GABPB2: variants seen among roughly 807,000 people sequenced by gnomAD.
GABPB2 encodes GA-binding protein subunit beta-2.
In GABPB2, 23 loss-of-function variants were observed where a neutral mutation model predicts 39.1. That is an observed-to-expected ratio of 0.59 (90% CI 0.42 to 0.83). GABPB2 has a LOEUF of 0.83. Ranked by LOEUF, GABPB2 falls within the 40% of genes least tolerant of loss-of-function variation. The pLI is 0.00. For synonymous variants in GABPB2, 184 were observed against 199.3 expected (o/e 0.92, Z 0.65); for missense variants, 467 against 541.1 (o/e 0.86, Z 1.36).
intron 6 of GABPB2, among the ~76,000 whole-genome samples, chr1:151,105,800 C>G (rs1679918053): frequency 6.6e-6 from 1 of 152,188 alleles, no homozygotes; most frequent in Admixed American, 6.5e-5. Flanking sequence ...CCACCATACC[C>G]AGCCAGCTAT....
intron 6 of GABPB2, among the ~76,000 whole-genome samples, chr1:151,106,015 G>A (rs1396985100): frequency 6.6e-6 from 1 of 150,954 alleles, no homozygotes. Context: ...AGGCTGGAGT[G>A]CAATGGCGTG....
rs1023249001 is a variant in GABPB2, at chr1:151,124,862, C to A, written c.*6606C>A. ...AAATTTTTGTCTTATTTTTTAGCCT[C>A]TTTAGTATTAGGGGGTGAGGTGACA... On this transcript the variant is annotated 3_prime_UTR_variant, in exon 9 of 9. Transcript: ENST00000368918. 1 of 151,958 alleles carries A rather than the reference C, an allele frequency of 6.6e-6. No homozygotes were observed. Among genetic ancestry groups the A allele is most frequent in the African/African-American group, 2.4e-5 (1 of 41,366 alleles). The allele number at this position is 151,958 out of a possible 1,614,324, so 9.4% of individuals were successfully genotyped here. A position where few individuals can be genotyped will look rare whatever the true frequency, so the allele number is the denominator to read the frequency against.
At chr1:151,085,782 C>T (rs1006424552) in intron 1 of GABPB2, among the ~76,000 whole-genome samples, 4 of 152,182 alleles carry the variant, frequency 2.6e-5, no homozygotes, top group South Asian at 2.1e-4. Flanking sequence ...GTAACTTAAT[C>T]GTGTAGTGCT....
intron 5 of GABPB2, among the ~76,000 whole-genome samples, chr1:151,102,473 TTCTC>T (rs1373230011): frequency 6.6e-6 from 1 of 152,168 alleles, no homozygotes; most frequent in Non-Finnish European, 1.5e-5. Context: ...GATGGAGTCT[TTCTC>T]TGTCACCCAA....
chr1:151,117,745 G>T (rs2101578410), intron 8 of GABPB2, among the ~76,000 whole-genome samples: 1 of 152,206 alleles, frequency 6.6e-6, no homozygotes, highest in South Asian at 2.1e-4. Flanking sequence ...CACCATGCCT[G>T]GCTAATTTTT....
In GABPB2 at chr1:151,117,945, T is replaced by A. The variant is rs759458922; in HGVS notation, c.1048-12T>A. On this transcript the variant is annotated splice_polypyrimidine_tract_variant and intron_variant, in intron 8 of 8. Coordinates refer to ENST00000368918, the MANE Select transcript of GABPB2 (RefSeq NM_144618.3). The stretch of plus-strand genomic sequence containing the variant: ...GGAATTTACCTGGTGGTGACATGGC[T>A]TACTTTTACAGGAAGGCAATGAAAG... The A allele has an allele frequency of 6.2e-7, 1 of 1,604,270 alleles. No individual in the cohort carries two copies. The highest frequency in any genetic ancestry group is 1.3e-5 in the African/African-American group (1 of 74,562).
intron 6 of GABPB2, among the ~76,000 whole-genome samples, 195 bp from the exon 7 acceptor site, chr1:151,106,842 T>C (rs1233127965): frequency 1.3e-5 from 2 of 152,214 alleles, no homozygotes; most frequent in Non-Finnish European, 2.9e-5. Context: ...TACAAAATAC[T>C]GTTCTAATGC....
chr1:151,125,534 C>CT lies in GABPB2; in HGVS notation c.*7278_*7279insT, dbSNP rs1681342394. ...ATAAAAATGTTTCTCAATAAAATGT[C>CT]AAAGCCGACCATTTCAGGGTGTCAT... On this transcript the variant is annotated 3_prime_UTR_variant, in exon 9 of 9. Transcript: ENST00000368918. 6.6e-6 allele frequency: 1 copy of CT among 151,336 alleles called. No individual in the cohort carries two copies. Among genetic ancestry groups the CT allele is most frequent in the Non-Finnish European group, 1.5e-5 (1 of 67,904 alleles). The allele number at this position is 151,336 out of a possible 1,614,324, so 9.4% of individuals were successfully genotyped here. A position where few individuals can be genotyped will look rare whatever the true frequency, so the allele number is the denominator to read the frequency against.
intron 1 of GABPB2, chr1:151,072,910 T>A (rs1251142128): frequency 1.3e-5 from 2 of 152,244 alleles, no homozygotes; most frequent in Non-Finnish European, 2.9e-5. Context: ...TAGGTTCTTT[T>A]CAATCTTTTT....
At chr1:151,084,074 A>ATT (rs1046750923) in intron 1 of GABPB2, among the ~76,000 whole-genome samples, 3 of 148,334 alleles carry the variant, frequency 2.0e-5, no homozygotes, top group Non-Finnish European at 4.5e-5. Flanking sequence ...AAATATATAT[A>ATT]TTTTTTTAAT....
At chr1:151,074,495 A>G (rs1472152785) in intron 1 of GABPB2, among the ~76,000 whole-genome samples, 1 of 103,904 alleles carries the variant, frequency 9.6e-6, no homozygotes, top group Non-Finnish European at 2.0e-5. Context: ...TTTTTTTTGT[A>G]TTTTTAGTAG....
intron 1 of GABPB2, among the ~76,000 whole-genome samples, chr1:151,076,203 G>T (rs970805689): frequency 2.0e-5 from 3 of 152,158 alleles, no homozygotes; most frequent in Non-Finnish European, 4.4e-5. Context: ...AATTAAATAA[G>T]AAGGTTTTCC....
intron 7 of GABPB2, among the ~76,000 whole-genome samples, chr1:151,109,226 C>T (rs1042106520): frequency 6.7e-6 from 1 of 150,268 alleles, no homozygotes; most frequent in Non-Finnish European, 1.5e-5. Flanking sequence ...GAGGTTGAAA[C>T]GAAGGGTACT....
At chr1:151,072,434 G>T (rs587766227) in intron 1 of GABPB2, among the ~76,000 whole-genome samples, 1 of 152,298 alleles carries the variant, frequency 6.6e-6, no homozygotes, top group African/African-American at 2.4e-5. Flanking sequence ...GTGCCCACTG[G>T]TGGTCCCAGC....
Position 151,103,644 on chromosome 1 carries a change from A to G in GABPB2, c.705A>G (p.Ser235=), listed in dbSNP as rs1679713168. 1 of 1,613,912 alleles carries G rather than the reference A, an allele frequency of 6.2e-7. No individual in the cohort carries two copies. The highest frequency in any genetic ancestry group is 2.2e-5 in the East Asian group (1 of 44,892). ...LATLAALAEA[S]VPLSNSHRAT... The stretch of plus-strand genomic sequence containing the variant: ...CCCTTGCAGCTCTTGCTGAGGCATC[A>G]GTCCCCCTCTCCAACTCACACAGAG... The change falls in exon 6 of 9, where the codon TCA becomes TCG. Residue 235 remains serine, a synonymous_variant. Coordinates refer to ENST00000368918, the MANE Select transcript of GABPB2 (RefSeq NM_144618.3).
Position 151,093,387 on chromosome 1 carries a change from G to C in GABPB2, c.471+1G>C, listed in dbSNP as rs1464875193. The C allele has an allele frequency of 1.3e-6, 2 of 1,579,162 alleles. No individual in the cohort carries two copies. Among genetic ancestry groups the C allele is most frequent in the Admixed American group, 1.9e-5 (1 of 53,676 alleles). On this transcript the variant is annotated splice_donor_variant, in intron 4 of 8. Transcript: ENST00000368918. LOFTEE classifies it high-confidence loss of function. Reference sequence around the variant, plus strand: ...TGCTGAGATTTTGGTCATCCTCCAGGTGTGGTTCTTTTTATACTCTCCAGA... The same window carrying C: ...TGCTGAGATTTTGGTCATCCTCCAGCTGTGGTTCTTTTTATACTCTCCAGA...
At chr1:151,105,928 A>G (rs758874552) in intron 6 of GABPB2, among the ~76,000 whole-genome samples, 11 of 151,870 alleles carry the variant, frequency 7.2e-5, no homozygotes, top group Non-Finnish European at 1.3e-4. Context: ...CTGTTTTCTT[A>G]TAGAAATGAT....
rs373214386 is a variant in GABPB2 at position 151,123,368 on chromosome 1, T to C, written c.*5112T>C. ...TACTCTGGAGGCTGAAACAGGAGAA[T>C]TGCTTGAACCCAAAAGGTGGAGTTT... On this transcript the variant is annotated 3_prime_UTR_variant, in exon 9 of 9. Coordinates refer to ENST00000368918, the MANE Select transcript of GABPB2 (RefSeq NM_144618.3). 2 of 151,936 alleles carry C rather than the reference T, an allele frequency of 1.3e-5. No individual in the cohort carries two copies. The highest frequency in any genetic ancestry group is 3.4e-3 in the Middle Eastern group (1 of 294). 9.4% of individuals were successfully genotyped at this position (151,936 alleles called of 1,614,324 possible).
rs2101587961 is a variant in GABPB2, at chr1:151,123,801, G to A, written c.*5545G>A. The stretch of plus-strand genomic sequence containing the variant: ...CAGGAGGCAGAGCTTGCAGTGAGCT[G>A]AGATCGCCCCACTGCAACAGATCGC... On this transcript the variant is annotated 3_prime_UTR_variant, in exon 9 of 9. Coordinates refer to ENST00000368918, the MANE Select transcript of GABPB2 (RefSeq NM_144618.3). The A allele has an allele frequency of 6.6e-6, 1 of 151,482 alleles. No individual in the cohort carries two copies. The highest frequency in any genetic ancestry group is 3.4e-3 in the Middle Eastern group (1 of 292). 9.4% of individuals were successfully genotyped at this position (151,482 alleles called of 1,614,324 possible).
Sources: allele counts gnomAD v4.1 joint callset (sites outside exome capture counted in the v4.1 genomes callset), GRCh38; gene constraint gnomAD v4.1.1; transcripts MANE v1.5; gene names NCBI Gene and HGNC (gene_info 2026-07-23, HGNC 2026-07-21).